Variants in DLG2 observed in about 807,000 individuals in gnomAD.
DLG2 encodes disks large homolog 2.
Under a neutral mutation model 132.5 loss-of-function variants are expected in DLG2, and 45 were observed. That is an observed-to-expected ratio of 0.34 (90% confidence interval 0.27 to 0.44). The LOEUF is 0.44. DLG2 is among the 20% of genes least tolerant of loss of function. The pLI, the probability that DLG2 is intolerant of heterozygous loss-of-function variation, is 1.00. For synonymous variants in DLG2, 424 were observed against 419.6 expected, an observed-to-expected ratio of 1.01 and a Z score of -0.13; for missense variants, 1,045 against 1,196.9, an observed-to-expected ratio of 0.87 and a Z score of 1.87.
At chr11:84,376,407 G>T (rs2098729108) in intron 7 of DLG2, among the ~76,000 whole-genome samples, 1 of 151,822 alleles carries the variant, frequency 6.6e-6, no homozygotes. Context: ...GGATCACATT[G>T]ACCTTAAAGG....
intron 11 of DLG2, among the ~76,000 whole-genome samples, chr11:83,990,350 T>A (rs903891891): frequency 5.3e-5 from 8 of 152,166 alleles, no homozygotes; most frequent in African/African-American, 1.9e-4. Context: ...AGCAGTGATT[T>A]CTCATGTCAA....
intron 7 of DLG2, among the ~76,000 whole-genome samples, chr11:84,283,036 T>A (rs2097868410): frequency 6.6e-6 from 1 of 152,182 alleles, no homozygotes; most frequent in Non-Finnish European, 1.5e-5. Context: ...ATGCTGGTAA[T>A]CTCTCTCCTG....
rs200117797 is a variant in DLG2 at position 84,384,095 on chromosome 11, CTT to C, written c.520-132806_520-132805del. Among the ~76,000 whole-genome samples, 22 of 122,062 alleles carry C rather than the reference CTT, an allele frequency of 1.8e-4. 1 individual carries two copies. Among genetic ancestry groups the C allele is most frequent in the South Asian group, 1.6e-3 (6 of 3,660 alleles). 80.1% of individuals were successfully genotyped at this position (122,062 alleles called of 152,430 possible). ...CTAGTATAGGAAGCTCTCGATGACG[CTT>C]TTTTTTTTTTTGCAATGAGAAAATA... On this transcript the variant is annotated intron_variant, in intron 7 of 27. Coordinates refer to ENST00000376104, the MANE Select transcript of DLG2 (RefSeq NM_001142699.3).
At chr11:84,650,883 A>ACATACATATATATATACATATATAC (rs1379055337) in intron 6 of DLG2, among the ~76,000 whole-genome samples, 2,947 of 139,596 alleles carry the variant, frequency 0.021, 156 homozygotes, top group African/African-American at 0.079. Flanking sequence ...GTATATATAT[A>ACATACATATATATATACATATATAC]TATATATATA....
At chr11:84,070,394 T>G (rs28657894) in intron 10 of DLG2, among the ~76,000 whole-genome samples, 3,764 of 152,316 alleles carry the variant, frequency 0.025, 147 homozygotes, top group African/African-American at 0.085. Context: ...CAAGGCTTTA[T>G]TGTCCATAAT....
chr11:84,923,001 G>GCTA, intron 6 of DLG2: 1 of 1,576,620 alleles, frequency 6.3e-7, no homozygotes, highest in Admixed American at 1.7e-5. Context: ...AAGTCCTGAA[G>GCTA]CTACACAAGG....
chr11:83,956,449 C>T (rs560916024), intron 14 of DLG2, among the ~76,000 whole-genome samples: 11 of 152,312 alleles, frequency 7.2e-5, no homozygotes, highest in African/African-American at 7.2e-5. Flanking sequence ...GATGCCACCA[C>T]GCTCCCCTCC....
chr11:83,718,311 C>T (rs1013733130), intron 18 of DLG2, among the ~76,000 whole-genome samples: 3 of 151,810 alleles, frequency 2.0e-5, no homozygotes, highest in East Asian at 1.9e-4. Context: ...CCAAGGCAGC[C>T]GGATCACCTG....
chr11:85,272,973 T>C (rs2077637477), intron 4 of DLG2, among the ~76,000 whole-genome samples: 1 of 152,128 alleles, frequency 6.6e-6, no homozygotes, highest in African/African-American at 2.4e-5. Context: ...ATCTGATCTT[T>C]GACAAACCTG....
chr11:83,546,322 A>G (rs1173879653), intron 19 of DLG2, among the ~76,000 whole-genome samples: 1 of 152,170 alleles, frequency 6.6e-6, no homozygotes, highest in Non-Finnish European at 1.5e-5. Context: ...CAGGCTTCCA[A>G]GACAGAGGAG....
intron 7 of DLG2, among the ~76,000 whole-genome samples, chr11:84,422,489 T>C (rs896679071): frequency 6.6e-6 from 1 of 152,216 alleles, no homozygotes; most frequent in Non-Finnish European, 1.5e-5. Context: ...GTCTCTCTCC[T>C]TAATGCATAT....
chr11:84,093,415 A>G (rs1019309556), intron 10 of DLG2, among the ~76,000 whole-genome samples: 3 of 152,190 alleles, frequency 2.0e-5, no homozygotes, highest in Non-Finnish European at 4.4e-5. Flanking sequence ...TGTCAAGTAC[A>G]TCACACATCT....
intron 18 of DLG2, chr11:83,651,645 G>C: frequency 7.2e-6 from 2 of 276,668 alleles, no homozygotes; most frequent in South Asian, 7.4e-5. Context: ...AGAGGAGTTG[G>C]AGGAGGAGGA....
intron 4 of DLG2, among the ~76,000 whole-genome samples, chr11:85,247,725 T>G (rs574330811): frequency 2.6e-5 from 4 of 152,042 alleles, no homozygotes; most frequent in African/African-American, 9.7e-5. Flanking sequence ...AAAAGTCTGA[T>G]TTTCTGACTT....
intron 5 of DLG2, among the ~76,000 whole-genome samples, chr11:85,148,251 T>G (rs2076991537): frequency 1.3e-5 from 2 of 152,202 alleles, no homozygotes; most frequent in South Asian, 4.1e-4. Context: ...TGATTTATAT[T>G]CCTTTGGGTA....
intron 6 of DLG2, among the ~76,000 whole-genome samples, chr11:85,006,488 T>G (rs901930181): frequency 1.3e-5 from 2 of 152,206 alleles, no homozygotes; most frequent in Non-Finnish European, 2.9e-5. Context: ...TGTCCATTTC[T>G]TCTACATTTT....
rs529690226 is a variant in DLG2 at position 85,096,807 on chromosome 11, C to T, written c.357+14854G>A. Among the ~76,000 whole-genome samples the T allele has an allele frequency of 8.5e-5, 13 of 152,246 alleles. No individual in the cohort carries two copies. In the South Asian group the frequency reaches 2.7e-3, roughly 32 times the overall value. ...GAATTTGGGGGTTAAATACCAGACA[C>T]CTGTCGACCAGTTAAAAGAGATTAG... is the stretch of plus-strand genomic sequence containing the variant. On this transcript the variant is annotated intron_variant, in intron 6 of 27. Transcript: ENST00000376104.
chr11:84,257,202 G>A (rs1211820240), intron 7 of DLG2, among the ~76,000 whole-genome samples: 8 of 151,758 alleles, frequency 5.3e-5, no homozygotes, highest in East Asian at 3.9e-4. Context: ...AGTGACTTCC[G>A]CCTTCATTTC....
intron 7 of DLG2, among the ~76,000 whole-genome samples, chr11:84,399,730 T>C (rs1364914563): frequency 6.6e-6 from 1 of 152,232 alleles, no homozygotes; most frequent in African/African-American, 2.4e-5. Flanking sequence ...GATAGCATTT[T>C]GACACTCATT....
Sources: allele counts gnomAD v4.1 joint callset (sites outside exome capture counted in the v4.1 genomes callset), GRCh38; gene constraint gnomAD v4.1.1; transcripts MANE v1.5; gene names NCBI Gene and HGNC (gene_info 2026-07-23, HGNC 2026-07-21).